The following FGD6 variants were observed in gnomAD, a reference collection of about 807,000 sequenced individuals.
The protein encoded by FGD6 is FYVE, RhoGEF and PH domain containing 6, also known as FYVE, RhoGEF and PH domain-containing protein 6.
In FGD6, 90 loss-of-function variants were observed where a neutral mutation model predicts 149.4. That is an observed-to-expected ratio of 0.60 (90% CI 0.51 to 0.72). The LOEUF (loss-of-function observed/expected upper bound fraction) is 0.72, where lower values mean the gene tolerates loss of function less well. FGD6 is among the 30% of genes least tolerant of loss of function. The pLI, the probability that FGD6 is intolerant of heterozygous loss-of-function variation, is 0.00. For missense variants in FGD6, 1,437 were observed against 1,684.8 expected (o/e 0.85, Z 2.57); for synonymous variants, 527 against 584.0 (o/e 0.90, Z 1.41).
intron 2 of FGD6, among the ~76,000 whole-genome samples, chr12:95,193,973 A>G (rs1218621211): frequency 6.6e-6 from 1 of 151,830 alleles, no homozygotes; most frequent in Non-Finnish European, 1.5e-5. Context: ...TCACTCTGTC[A>G]CCCACGCTAG....
At chr12:95,206,691 C>G (rs558253300) in intron 2 of FGD6, among the ~76,000 whole-genome samples, 6 of 143,554 alleles carry the variant, frequency 4.2e-5, no homozygotes, top group African/African-American at 1.6e-4. Context: ...GGGACCCTGT[C>G]TCCAAAGAAA....
rs551237765 is a variant in FGD6 at position 95,164,606 on chromosome 12, T to C, written c.2586+7994A>G. ...CTGCTGTGCCTAGCTAATTTTTGTA[T>C]TTTTAGTAGAGATGGAGTTTCACCA... On this transcript the variant is annotated intron_variant, in intron 3 of 20. Coordinates refer to ENST00000343958, the MANE Select transcript of FGD6 (RefSeq NM_018351.4). Among the ~76,000 whole-genome samples, 3 of 152,198 alleles carry C rather than the reference T, an allele frequency of 2.0e-5. No homozygotes were observed. The South Asian group carries it at 6.2e-4, about 32-fold the overall frequency.
At chr12:95,181,135 T>A (rs1435824132) in intron 2 of FGD6, among the ~76,000 whole-genome samples, 1 of 152,118 alleles carries the variant, frequency 6.6e-6, no homozygotes, top group Non-Finnish European at 1.5e-5. Context: ...GAAGGGGAGA[T>A]CTGGCTAGCC....
intron 5 of FGD6, among the ~76,000 whole-genome samples, chr12:95,146,558 T>TGTTA (rs1880020560): frequency 6.6e-6 from 1 of 152,010 alleles, no homozygotes; most frequent in Non-Finnish European, 1.5e-5. Context: ...AGTGTGAAAA[T>TGTTA]GTTAGTTAGC....
intron 8 of FGD6, among the ~76,000 whole-genome samples, chr12:95,130,677 G>A (rs948976740): frequency 2.6e-5 from 4 of 151,950 alleles, no homozygotes; most frequent in African/African-American, 9.7e-5. Flanking sequence ...CCAGGAGTTC[G>A]AGACCAGCCT....
At chr12:95,186,766 A>C (rs1297661446) in intron 2 of FGD6, among the ~76,000 whole-genome samples, 2 of 152,170 alleles carry the variant, frequency 1.3e-5, no homozygotes, top group Non-Finnish European at 2.9e-5. Flanking sequence ...TACCCAAAAG[A>C]AGCAGTATAT....
chr12:95,186,328 A>T (rs553197850), intron 2 of FGD6, among the ~76,000 whole-genome samples: 1 of 121,778 alleles, frequency 8.2e-6, no homozygotes, highest in East Asian at 2.8e-4. Flanking sequence ...GGCTTACTGC[A>T]ACCTCTGCCT....
In FGD6 at chr12:95,107,597, G is replaced by A; in HGVS notation, c.3299C>T (p.Ser1100Phe). Residue 1100 changes from serine (S) to phenylalanine (F), a missense_variant, in exon 12 of 21, where the codon TCT becomes TTT. Around this residue, in one of 2 missense-constraint regions of FGD6, gnomAD observed 382 missense variants for 538.7 expected, o/e 0.71. Transcript: ENST00000343958. ...CATTCGAGGTTGCATCACTTTCCGAGACAGCTTCATCAGAATTCCTTCTTT... is the reference window on the plus strand; with the variant it reads ...CATTCGAGGTTGCATCACTTTCCGAAACAGCTTCATCAGAATTCCTTCTTT... ...FLKEGILMKL[S>F]RKVMQPRMFF... is the part of the protein sequence containing the mutation. The A allele has an allele frequency of 6.2e-7, 1 of 1,614,052 alleles. No homozygotes were observed. Among genetic ancestry groups the A allele is most frequent in the Admixed American group, 1.7e-5 (1 of 60,006 alleles).
chr12:95,142,811 T>G (rs1879892273), intron 5 of FGD6, among the ~76,000 whole-genome samples: 1 of 152,216 alleles, frequency 6.6e-6, no homozygotes, highest in Non-Finnish European at 1.5e-5. Flanking sequence ...CTCAATAAAT[T>G]CACCAGGGTT....
At chr12:95,152,716 T>C in intron 5 of FGD6, 95 bp downstream of exon 5, 1 of 1,082,490 alleles carries the variant, frequency 9.2e-7, no homozygotes, top group Non-Finnish European at 1.3e-6. Context: ...AGAAAATGTC[T>C]ATCATTAAGT....
At chr12:95,186,793 C>T (rs1376881486) in intron 2 of FGD6, among the ~76,000 whole-genome samples, 1 of 152,162 alleles carries the variant, frequency 6.6e-6, no homozygotes, top group Non-Finnish European at 1.5e-5. Context: ...TGGGGCAAAA[C>T]TGCCTGTGTT....
chr12:95,180,947 A>AC (rs1565917463), intron 2 of FGD6, among the ~76,000 whole-genome samples: 1 of 151,322 alleles, frequency 6.6e-6, no homozygotes, highest in South Asian at 2.1e-4. Flanking sequence ...TTCTCCCCCA[A>AC]CCCCCAGACT....
chr12:95,174,193 C>T (rs1381057481), intron 2 of FGD6, among the ~76,000 whole-genome samples: 1 of 152,102 alleles, frequency 6.6e-6, no homozygotes, highest in Non-Finnish European at 1.5e-5. Context: ...AGATCACTGG[C>T]AGGATTCACT....
rs759059137 is a variant in FGD6 at position 95,217,249 on chromosome 12, G to A, written c.-9C>T. On this transcript the variant is annotated 5_prime_UTR_variant, in exon 1 of 21. Transcript: ENST00000343958. ...CCGGCTGCAGAAGTCATGATTCCCC[G>A]GTGCAGCTCGCTTCCCCGCTCGGCC... is the stretch of plus-strand genomic sequence containing the variant. 1.9e-6 allele frequency: 3 copies of A among 1,608,962 alleles called. No homozygotes were observed. The highest frequency in any genetic ancestry group is 4.5e-5 in the East Asian group (2 of 44,370).
intron 18 of FGD6, 141 bp from the exon 19 acceptor site, chr12:95,086,049 A>G: frequency 1.2e-6 from 1 of 847,806 alleles, no homozygotes. Flanking sequence ...AAGTGCTACT[A>G]TACAAATTGA....
Position 95,084,614 on chromosome 12 carries a change from T to C in FGD6, c.4140A>G (p.Leu1380=), listed in dbSNP as rs1473788704. The change falls in exon 20 of 21, where the codon TTA becomes TTG. Residue 1380 remains leucine, a synonymous_variant. Coordinates refer to ENST00000343958, the MANE Select transcript of FGD6 (RefSeq NM_018351.4). ...DVAALESQPL[L]GFTVIQVKDE... ...CTTTAACTTGAATAACAGTGAATCC[T>C]AATAAAGGCTGACTCTCCAAAGCGG... The C allele has an allele frequency of 6.2e-7, 1 of 1,602,930 alleles. No homozygotes were observed. The highest frequency in any genetic ancestry group is 1.1e-5 in the South Asian group (1 of 87,730).
intron 1 of FGD6, among the ~76,000 whole-genome samples, chr12:95,216,347 T>C (rs1465078143): frequency 6.6e-6 from 1 of 152,218 alleles, no homozygotes; most frequent in East Asian, 1.9e-4. Flanking sequence ...CTATAAAATT[T>C]CTAATGAAAG....
chr12:95,142,211 G>A (rs77475611), intron 5 of FGD6, among the ~76,000 whole-genome samples: 28,040 of 148,354 alleles, frequency 0.19, 2,539 homozygotes, highest in Non-Finnish European at 0.21. Context: ...GCGCGATCTT[G>A]GCTCACTGCA....
At chr12:95,160,845 C>T (rs181173691) in intron 3 of FGD6, among the ~76,000 whole-genome samples, 95 of 151,794 alleles carry the variant, frequency 6.3e-4, no homozygotes, top group African/African-American at 2.2e-3. Flanking sequence ...GCCTGGGTGA[C>T]GAGAGCAAAA....
Sources: gnomAD v4.1 joint callset for allele counts (sites outside exome capture counted in the v4.1 genomes callset) on GRCh38, gnomAD v4.1.1 for gene constraint, gnomAD v4.1.1 regional missense constraint, MANE v1.5 for transcripts, NCBI Gene and HGNC (gene_info 2026-07-23, HGNC 2026-07-21) for gene names.